PARVB: variants seen among roughly 807,000 people sequenced by gnomAD.
PARVB encodes the protein beta-parvin.
Under a neutral mutation model 47.0 loss-of-function variants are expected in PARVB, and 46 were observed. That is an observed-to-expected ratio of 0.98 (90% CI 0.77 to 1.25). The LOEUF (loss-of-function observed/expected upper bound fraction) is 1.25. PARVB is among the 50% of genes most tolerant of loss of function. The pLI is 0.00. For missense variants in PARVB, 473 were observed against 471.6 expected (o/e 1.00, Z -0.03); for synonymous variants, 196 against 196.3 (o/e 1.00, Z 0.01).
chr22:44,058,021 G>A (rs558991065), intron 1 of PARVB, among the ~76,000 whole-genome samples: 1 of 152,228 alleles, frequency 6.6e-6, no homozygotes, highest in Non-Finnish European at 1.5e-5. Flanking sequence ...CCTGAACCTC[G>A]GTTGCCTCCC....
chr22:44,033,885 G>A (rs1416270483), intron 1 of PARVB, among the ~76,000 whole-genome samples: 1 of 152,068 alleles, frequency 6.6e-6, no homozygotes, highest in Non-Finnish European at 1.5e-5. Context: ...GCGGAGCCCT[G>A]TCTGCCCTTG....
chr22:44,139,096 GGGCCT>G (rs1223326418), intron 7 of PARVB: 1 of 152,260 alleles, frequency 6.6e-6, no homozygotes, highest in Non-Finnish European at 1.5e-5. Context: ...CCTGAGATCA[GGGCCT>G]GGCCTCGTGG....
intron 3 of PARVB, chr22:44,105,351 T>C (rs755547176): frequency 2.2e-4 from 34 of 152,206 alleles, no homozygotes; most frequent in African/African-American, 8.2e-4. Context: ...AGGCCCAACC[T>C]CTCTGTGGGC....
chr22:44,022,834 C>T (rs924380001), upstream of PARVB, among the ~76,000 whole-genome samples: 2 of 151,960 alleles, frequency 1.3e-5, no homozygotes, highest in African/African-American at 4.8e-5. Context: ...GCAACTTCCA[C>T]CTCCCGAGTT....
At position 44,168,895 on chromosome 22, in the gene PARVB, G is replaced by A. The variant is rs964650177; in HGVS notation, c.*217G>A. On this transcript the variant is annotated 3_prime_UTR_variant, in exon 13 of 13. Coordinates refer to ENST00000338758, the MANE Select transcript of PARVB (RefSeq NM_013327.5). ...TCCATGTAGTTCCCAGTGGGCAAGA[G>A]CCTTTGAAAATGCAGGATTCTAAAC... The A allele has an allele frequency of 1.1e-5, 6 of 530,038 alleles. No individual in the cohort carries two copies. Among genetic ancestry groups the A allele is most frequent in the African/African-American group, 5.8e-5 (3 of 52,058 alleles). 32.8% of individuals were successfully genotyped at this position (530,038 alleles called of 1,614,324 possible).
chr22:44,048,626 A>G (rs1342964381), intron 1 of PARVB, among the ~76,000 whole-genome samples: 1 of 152,152 alleles, frequency 6.6e-6, no homozygotes, highest in Non-Finnish European at 1.5e-5. Context: ...CAGTGGCACA[A>G]TCTCAGCTCA....
At chr22:44,061,195 G>A (rs754210429) in intron 1 of PARVB, among the ~76,000 whole-genome samples, 2 of 152,226 alleles carry the variant, frequency 1.3e-5, no homozygotes, top group East Asian at 3.9e-4. Flanking sequence ...TTGGGAGGCC[G>A]AGGCAGGCAG....
Position 44,089,591 on chromosome 22 carries a change from G to A in PARVB, c.113-4337G>A, listed in dbSNP as rs1325674510. On this transcript the variant is annotated intron_variant, in intron 1 of 12. Coordinates refer to ENST00000338758, the MANE Select transcript of PARVB (RefSeq NM_013327.5). The surrounding 1 kb of genome is among the most constrained non-coding windows in gnomAD (Gnocchi z 4.0). ...CATTCCTGGGATTCACTGAAAGCCAGTAAACTGGCACCGTTCAGGTGGCGG... is the reference window on the plus strand; with the variant it reads ...CATTCCTGGGATTCACTGAAAGCCAATAAACTGGCACCGTTCAGGTGGCGG... 6.8e-6 allele frequency: 1 copy of A among 146,064 alleles called. No homozygotes were observed. The highest frequency in any genetic ancestry group is 1.5e-5 in the Non-Finnish European group (1 of 66,372). The allele number at this position is 146,064 out of a possible 1,614,324, so 9.0% of individuals were successfully genotyped here.
chr22:44,070,987 C>T (rs1031522788), intron 1 of PARVB, among the ~76,000 whole-genome samples: 1 of 146,760 alleles, frequency 6.8e-6, no homozygotes, highest in African/African-American at 2.7e-5. Flanking sequence ...CCAGGACCCC[C>T]CGGCCCCTGC....
At chr22:44,073,195 A>G (rs2051691958) in intron 1 of PARVB, among the ~76,000 whole-genome samples, 1 of 152,256 alleles carries the variant, frequency 6.6e-6, no homozygotes, top group South Asian at 2.1e-4. Flanking sequence ...GAGGAAATTT[A>G]AAGTCAGAAG....
intron 1 of PARVB, among the ~76,000 whole-genome samples, chr22:44,056,410 C>T (rs2051312970): frequency 6.6e-6 from 1 of 152,230 alleles, no homozygotes; most frequent in African/African-American, 2.4e-5. Context: ...TCTGCCTGCG[C>T]CATTTCCTGC....
chr22:44,074,542 AG>A (rs1187684699), intron 1 of PARVB, among the ~76,000 whole-genome samples: 2 of 152,142 alleles, frequency 1.3e-5, no homozygotes, highest in African/African-American at 4.8e-5. Flanking sequence ...CCTAGGTGGG[AG>A]GCCAGGGCTT....
At chr22:44,167,601 C>T (rs961725591) in intron 12 of PARVB, among the ~76,000 whole-genome samples, 3 of 152,096 alleles carry the variant, frequency 2.0e-5, no homozygotes, top group Admixed American at 6.5e-5. Flanking sequence ...ACTCCATGGC[C>T]GCCATTCTCC....
chr22:44,050,812 G>A (rs1179487657), intron 1 of PARVB, among the ~76,000 whole-genome samples: 1 of 152,218 alleles, frequency 6.6e-6, no homozygotes, highest in Non-Finnish European at 1.5e-5. Context: ...CTGTCTTGCA[G>A]TCTTATTTGA....
At chr22:44,012,927 C>T (rs559709857) in intron 2 of PARVB, among the ~76,000 whole-genome samples, 3 of 151,438 alleles carry the variant, frequency 2.0e-5, no homozygotes, top group South Asian at 4.2e-4. Context: ...GAGACAGTCT[C>T]GCTCTGTCAC....
chr22:44,151,750 C>T (rs1051525579), intron 10 of PARVB, 199 bp downstream of exon 10: 2 of 555,594 alleles, frequency 3.6e-6, no homozygotes, highest in South Asian at 4.0e-5. Flanking sequence ...CCACAAAGCA[C>T]CACAAACCTA....
exon 1 of PARVB, chr22:43,999,333 G>A (rs1398604505): frequency 4.4e-6 from 7 of 1,597,032 alleles, no homozygotes; most frequent in Non-Finnish European, 5.1e-6. Context: ...ACAGTTAGAT[G>A]TGCACAAATG....
At chr22:44,007,105 G>A (rs968965437) in intron 2 of PARVB, among the ~76,000 whole-genome samples, 7 of 152,220 alleles carry the variant, frequency 4.6e-5, no homozygotes, top group Admixed American at 2.0e-4. Flanking sequence ...ACTACCTTCC[G>A]TTCATTCAAC....
Position 44,171,873 on chromosome 22 carries a change from A to C in PARVB, c.*3195A>C, listed in dbSNP as rs1006732667. On this transcript the variant is annotated 3_prime_UTR_variant, in exon 13 of 13. Coordinates refer to ENST00000338758, the MANE Select transcript of PARVB (RefSeq NM_013327.5). ...CACTGCGTTGCCCAGGCTGGAGTGC[A>C]GTGGTCATTCACAGACACACACATA... The C allele has an allele frequency of 2.1e-5, 3 of 143,340 alleles. No homozygotes were observed. Among genetic ancestry groups the C allele is most frequent in the Non-Finnish European group, 3.0e-5 (2 of 67,214 alleles). The allele number at this position is 143,340 out of a possible 1,614,324, so 8.9% of individuals were successfully genotyped here. A position where few individuals can be genotyped will look rare whatever the true frequency, so the allele number is the denominator to read the frequency against.
Sources: allele counts gnomAD v4.1 joint callset (sites outside exome capture counted in the v4.1 genomes callset), GRCh38; gene constraint gnomAD v4.1.1; non-coding constraint Gnocchi (gnomAD v3.1); transcripts MANE v1.5; gene names NCBI Gene and HGNC (gene_info 2026-07-23, HGNC 2026-07-21).